CCDC192: variants seen among roughly 807,000 people sequenced by gnomAD.
The protein encoded by CCDC192 is coiled-coil domain-containing protein 192.
chr5:127,900,316 G>A (rs1169464287), intron 6 of CCDC192, among the ~76,000 whole-genome samples: 1 of 152,196 alleles, frequency 6.6e-6, no homozygotes, highest in Non-Finnish European at 1.5e-5. Flanking sequence ...CCTAAACTCA[G>A]ATGTACATGG....
intron 3 of CCDC192, among the ~76,000 whole-genome samples, chr5:127,759,621 T>G (rs1420362787): frequency 6.6e-6 from 1 of 152,218 alleles, no homozygotes; most frequent in Non-Finnish European, 1.5e-5. Flanking sequence ...CCAAATGAAC[T>G]AAGACAGTAG....
At chr5:127,877,195 T>G (rs2544779) in intron 6 of CCDC192, among the ~76,000 whole-genome samples, 99,439 of 152,022 alleles carry the variant, frequency 0.65, 32,518 homozygotes, top group Non-Finnish European at 0.68. Flanking sequence ...TTCATTTTTT[T>G]CAATATTATT....
At position 127,729,358 on chromosome 5, in the gene CCDC192, T is replaced by C. The variant is rs190512652; in HGVS notation, c.114+21598T>C. 3.2e-3 allele frequency among the ~76,000 whole-genome samples: 492 copies of C among 152,350 alleles called. 4 individuals are homozygous for C. The highest frequency in any genetic ancestry group is 5.4e-3 in the Non-Finnish European group (365 of 68,034). ...CCCAATGCAGGAGCACCTAGATTCA[T>C]AAAGCAAGTTCATAGATACCTTCAA... On this transcript the variant is annotated intron_variant, in intron 2 of 6. Coordinates refer to ENST00000514853, the MANE Select transcript of CCDC192 (RefSeq NM_001317938.2).
chr5:127,731,637 A>C (rs1207017689), intron 2 of CCDC192, among the ~76,000 whole-genome samples: 1 of 152,208 alleles, frequency 6.6e-6, no homozygotes, highest in Non-Finnish European at 1.5e-5. Context: ...TACAGTAACC[A>C]AAACAGCATT....
intron 6 of CCDC192, among the ~76,000 whole-genome samples, chr5:127,925,923 T>G (rs1031425346): frequency 6.6e-6 from 1 of 152,160 alleles, no homozygotes; most frequent in Non-Finnish European, 1.5e-5. Context: ...CAAATTAAAT[T>G]TAAAGGCATT....
chr5:127,879,745 AAAAC>A, intron 6 of CCDC192, among the ~76,000 whole-genome samples: 1 of 97,410 alleles, frequency 1.0e-5, no homozygotes, highest in African/African-American at 4.1e-5. Context: ...TTACAAGAAA[AAAAC>A]AAACAACCCC....
At chr5:127,801,091 A>C (rs1403873905) in intron 5 of CCDC192, among the ~76,000 whole-genome samples, 1 of 152,096 alleles carries the variant, frequency 6.6e-6, no homozygotes, top group Admixed American at 6.6e-5. Context: ...GCAGAAAACC[A>C]AACAGAGCAA....
chr5:127,853,690 T>G (rs1449648741), intron 5 of CCDC192, among the ~76,000 whole-genome samples: 3 of 152,106 alleles, frequency 2.0e-5, no homozygotes, highest in African/African-American at 7.2e-5. Context: ...GAAGAATTGC[T>G]TGAACTTGGG....
intron 5 of CCDC192, among the ~76,000 whole-genome samples, chr5:127,842,210 TTATTAG>T (rs558927953): frequency 0.01 from 1,546 of 152,308 alleles, 35 homozygotes; most frequent in Non-Finnish European, 0.013. Context: ...TTCTTTTTTA[TTATTAG>T]TATTTTTAAT....
intron 2 of CCDC192, among the ~76,000 whole-genome samples, chr5:127,712,491 T>C (rs540438626): frequency 6.6e-6 from 1 of 152,322 alleles, no homozygotes; most frequent in African/African-American, 2.4e-5. Context: ...CTTCCACCAT[T>C]AGTGGAAGCA....
chr5:127,746,178 C>T (rs888209073), intron 2 of CCDC192, among the ~76,000 whole-genome samples: 1 of 152,226 alleles, frequency 6.6e-6, no homozygotes. Context: ...ACTGACTTTG[C>T]ATTCTCCACA....
intron 3 of CCDC192, chr5:127,785,858 C>T (rs1756508390): frequency 2.7e-6 from 1 of 369,888 alleles, no homozygotes. Flanking sequence ...GCAACCACAA[C>T]CTTGTCAAGA....
At chr5:127,933,980 T>C (rs1219638958) in intron 6 of CCDC192, among the ~76,000 whole-genome samples, 1 of 152,198 alleles carries the variant, frequency 6.6e-6, no homozygotes, top group Non-Finnish European at 1.5e-5. Flanking sequence ...AACTAAGGCA[T>C]CCTAAGCAGA....
At chr5:127,716,603 T>C (rs1751634926) in intron 2 of CCDC192, among the ~76,000 whole-genome samples, 1 of 152,172 alleles carries the variant, frequency 6.6e-6, no homozygotes, top group Non-Finnish European at 1.5e-5. Context: ...TTTCTTCATG[T>C]TTTATTCTTG....
intron 6 of CCDC192, among the ~76,000 whole-genome samples, chr5:127,898,240 C>G (rs1752947337): frequency 6.6e-6 from 1 of 152,062 alleles, no homozygotes; most frequent in Non-Finnish European, 1.5e-5. Context: ...CCTCGAGTAG[C>G]TGGGATTATA....
intron 2 of CCDC192, among the ~76,000 whole-genome samples, chr5:127,748,426 G>A (rs1185826138): frequency 6.2e-4 from 34 of 55,252 alleles, no homozygotes; most frequent in African/African-American, 1.7e-3. Flanking sequence ...GTAGATATGC[G>A]GCGTTATTTC....
intron 5 of CCDC192, among the ~76,000 whole-genome samples, chr5:127,822,554 A>AGGGAGAGGGGTTCT (rs1195348837): frequency 6.6e-6 from 1 of 152,190 alleles, no homozygotes; most frequent in Non-Finnish European, 1.5e-5. Flanking sequence ...GACTATGAAA[A>AGGGAGAGGGGTTCT]GGGAGAGGGG....
At chr5:127,765,215 T>A (rs1580619943) in intron 3 of CCDC192, among the ~76,000 whole-genome samples, 1 of 152,306 alleles carries the variant, frequency 6.6e-6, no homozygotes, top group Admixed American at 6.5e-5. Flanking sequence ...ATCATTCTTT[T>A]ATGGGTGGAG....
At chr5:127,896,436 T>C (rs1300121206) in intron 6 of CCDC192, among the ~76,000 whole-genome samples, 1 of 77,802 alleles carries the variant, frequency 1.3e-5, no homozygotes, top group Non-Finnish European at 2.6e-5. Flanking sequence ...TTCTTCTTCT[T>C]TTTTTTTTTT....
Sources: allele counts gnomAD v4.1 joint callset (sites outside exome capture counted in the v4.1 genomes callset), GRCh38; gene constraint gnomAD v4.1.1; transcripts MANE v1.5; gene names NCBI Gene and HGNC (gene_info 2026-07-23, HGNC 2026-07-21).